FHIT: variants seen among roughly 807,000 people sequenced by gnomAD.
FHIT encodes fragile histidine triad diadenosine triphosphatase.
FHIT carries 19 observed loss-of-function variants against 17.9 expected under a neutral mutation model. That is an observed-to-expected ratio of 1.06 (90% confidence interval 0.74 to 1.56). The LOEUF is 1.56. FHIT is among the 40% of genes most tolerant of loss of function. The probability of loss-of-function intolerance (pLI) is 0.00; values close to 1 mark genes in which losing one functional copy is unlikely to be tolerated. For missense variants in FHIT, 248 were observed against 189.2 expected (o/e 1.31, Z -1.82); for synonymous variants, 81 against 69.7 (o/e 1.16, Z -0.81).
intron 5 of FHIT, among the ~76,000 whole-genome samples, chr3:60,056,283 G>T (rs1702076805): frequency 6.6e-6 from 1 of 151,974 alleles, no homozygotes; most frequent in Admixed American, 6.5e-5. Context: ...GTGTAGATTA[G>T]AAAGCTTGGT....
intron 5 of FHIT, among the ~76,000 whole-genome samples, chr3:60,055,011 C>G (rs190683841): frequency 9.9e-5 from 15 of 152,208 alleles, no homozygotes; most frequent in Non-Finnish European, 7.4e-5. Flanking sequence ...CTAGAGAGGA[C>G]AGTTGCCCAA....
At chr3:60,484,037 G>A (rs971551722) in intron 5 of FHIT, among the ~76,000 whole-genome samples, 2 of 152,024 alleles carry the variant, frequency 1.3e-5, no homozygotes, top group Non-Finnish European at 2.9e-5. Flanking sequence ...ACCAACAATA[G>A]ACAAGCAGAG....
At chr3:60,054,236 A>G (rs1701994608) in intron 5 of FHIT, among the ~76,000 whole-genome samples, 1 of 152,254 alleles carries the variant, frequency 6.6e-6, no homozygotes, top group African/African-American at 2.4e-5. Flanking sequence ...CTGGAAAGAA[A>G]TAAGGACAGG....
intron 5 of FHIT, among the ~76,000 whole-genome samples, chr3:60,480,152 G>A (rs958022622): frequency 2.6e-5 from 4 of 152,106 alleles, no homozygotes; most frequent in African/African-American, 9.7e-5. Context: ...ACAGTGGCAG[G>A]AGAGAAAGAG....
At chr3:60,869,587 C>A (rs564874239) in intron 3 of FHIT, among the ~76,000 whole-genome samples, 9 of 152,256 alleles carry the variant, frequency 5.9e-5, no homozygotes, top group African/African-American at 2.2e-4. Context: ...ATGGGGCACG[C>A]TTGGATTCGG....
At chr3:60,209,727 A>G (rs1463276327) in intron 5 of FHIT, among the ~76,000 whole-genome samples, 1 of 152,206 alleles carries the variant, frequency 6.6e-6, no homozygotes, top group Non-Finnish European at 1.5e-5. Flanking sequence ...AATGTGGTAC[A>G]TATACACCAT....
chr3:60,036,862 C>T (rs185772650), intron 5 of FHIT, among the ~76,000 whole-genome samples: 3 of 152,260 alleles, frequency 2.0e-5, no homozygotes, highest in East Asian at 1.9e-4. Flanking sequence ...ATAAAATTTC[C>T]GTTAATTTAA....
intron 2 of FHIT, among the ~76,000 whole-genome samples, chr3:61,147,068 T>G (rs1354533796): frequency 6.6e-6 from 1 of 151,976 alleles, no homozygotes; most frequent in Non-Finnish European, 1.5e-5. Flanking sequence ...CTCTTCTGGT[T>G]ACAGAGAGAA....
At chr3:60,711,294 CA>C (rs2041523918) in intron 4 of FHIT, among the ~76,000 whole-genome samples, 1 of 152,028 alleles carries the variant, frequency 6.6e-6, no homozygotes, top group Admixed American at 6.5e-5. Context: ...CATCAAAGAC[CA>C]AAAGTAGATA....
chr3:61,068,868 C>T (rs2034704182), intron 2 of FHIT, among the ~76,000 whole-genome samples: 1 of 152,060 alleles, frequency 6.6e-6, no homozygotes, highest in African/African-American at 2.4e-5. Flanking sequence ...GGCCCCTTTC[C>T]TACTCAAAAA....
At chr3:60,176,604 AG>A (rs1308705909) in intron 5 of FHIT, among the ~76,000 whole-genome samples, 1 of 152,184 alleles carries the variant, frequency 6.6e-6, no homozygotes, top group African/African-American at 2.4e-5. Flanking sequence ...TAGGTGGGGT[AG>A]AGATGGAACA....
At chr3:60,600,515 A>G (rs2038409174) in intron 4 of FHIT, among the ~76,000 whole-genome samples, 1 of 152,178 alleles carries the variant, frequency 6.6e-6, no homozygotes, top group Non-Finnish European at 1.5e-5. Flanking sequence ...CCCAACACCT[A>G]TAAAACCAAT....
chr3:60,595,717 C>T (rs2038248309), intron 4 of FHIT, among the ~76,000 whole-genome samples: 1 of 151,944 alleles, frequency 6.6e-6, no homozygotes, highest in Non-Finnish European at 1.5e-5. Flanking sequence ...AGTTATAGCT[C>T]ACTGAAGCCT....
intron 5 of FHIT, among the ~76,000 whole-genome samples, chr3:60,356,766 A>C (rs1003377987): frequency 5.6e-5 from 8 of 143,578 alleles, no homozygotes; most frequent in Non-Finnish European, 1.0e-4. Flanking sequence ...AAAAAAAAAA[A>C]AAAAAAAAAA....
chr3:60,246,031 C>A lies in FHIT; in HGVS notation c.104-231879G>T, dbSNP rs1437629773. Among the ~76,000 whole-genome samples the A allele has an allele frequency of 2.0e-5, 3 of 151,952 alleles. No homozygotes were observed. The South Asian group carries it at 6.2e-4, about 31-fold the overall frequency. ...ATGTTAAAGTAAACTGTTTAATTCCCTTCATAATTTTCTGCTTAAAAAATG... is the reference window on the plus strand; with the variant it reads ...ATGTTAAAGTAAACTGTTTAATTCCATTCATAATTTTCTGCTTAAAAAATG... On this transcript the variant is annotated intron_variant, in intron 5 of 9. Transcript: ENST00000492590.
At chr3:60,563,980 G>A (rs955776778) in intron 4 of FHIT, among the ~76,000 whole-genome samples, 7 of 152,166 alleles carry the variant, frequency 4.6e-5, no homozygotes, top group South Asian at 2.1e-4. Flanking sequence ...ATTGGAAGGC[G>A]ATGCCATCAA....
At chr3:60,744,275 A>C (rs1479683154) in intron 4 of FHIT, among the ~76,000 whole-genome samples, 12 of 148,318 alleles carry the variant, frequency 8.1e-5, no homozygotes, top group African/African-American at 3.0e-4. Flanking sequence ...AAACAAAAAA[A>C]AAAAAAAACA....
chr3:61,016,023 C>G (rs2032085649), intron 3 of FHIT, among the ~76,000 whole-genome samples: 1 of 152,208 alleles, frequency 6.6e-6, no homozygotes, highest in South Asian at 2.1e-4. Flanking sequence ...CTTCACTAGG[C>G]TACTCTCTTA....
chr3:60,468,999 C>G (rs918362297), intron 5 of FHIT, among the ~76,000 whole-genome samples: 1 of 152,066 alleles, frequency 6.6e-6, no homozygotes, highest in Non-Finnish European at 1.5e-5. Flanking sequence ...ATATCACTCT[C>G]TCCTGGCTTG....
Sources: gnomAD v4.1 joint callset for allele counts (sites outside exome capture counted in the v4.1 genomes callset) on GRCh38, gnomAD v4.1.1 for gene constraint, MANE v1.5 for transcripts, NCBI Gene and HGNC (gene_info 2026-07-23, HGNC 2026-07-21) for gene names.